Variants in HESX1 observed in about 807,000 individuals in gnomAD.
HESX1 encodes the protein HESX homeobox 1, also known as homeobox expressed in ES cells 1.
A neutral mutation model predicts 22.5 loss-of-function variants in HESX1; 11 were observed. The observed-to-expected ratio is 0.49, with a 90% confidence interval of 0.31 to 0.81. The LOEUF (loss-of-function observed/expected upper bound fraction) is 0.81. Among genes scored for constraint, HESX1 ranks in the 30% least tolerant of loss-of-function variants. The probability of loss-of-function intolerance (pLI) is 0.05; values close to 1 mark genes in which losing one functional copy is unlikely to be tolerated. For synonymous variants in HESX1, 74 were observed against 76.5 expected (o/e 0.97, Z 0.17); for missense variants, 201 against 212.6 (o/e 0.95, Z 0.34).
At chr3:57,213,797 T>A (rs1235617524) in intron 1 of HESX1, among the ~76,000 whole-genome samples, 1 of 151,124 alleles carries the variant, frequency 6.6e-6, no homozygotes, top group Non-Finnish European at 1.5e-5. Context: ...GGCAGGCATC[T>A]GTAATCCCAG....
chr3:57,221,426 G>C (rs1272419379), intron 1 of HESX1, among the ~76,000 whole-genome samples: 1 of 151,932 alleles, frequency 6.6e-6, no homozygotes, highest in Non-Finnish European at 1.5e-5. Context: ...CAAAGTGCTG[G>C]GATTACAAGC....
intron 1 of HESX1, among the ~76,000 whole-genome samples, chr3:57,224,842 C>T (rs2060633335): frequency 6.6e-6 from 1 of 152,188 alleles, no homozygotes; most frequent in Non-Finnish European, 1.5e-5. Context: ...ACTCTATTTA[C>T]AAGACTGTAC....
chr3:57,218,196 A>G (rs1224230548), intron 1 of HESX1, among the ~76,000 whole-genome samples: 1 of 152,016 alleles, frequency 6.6e-6, no homozygotes, highest in Non-Finnish European at 1.5e-5. Flanking sequence ...AGATCATTTC[A>G]TCTCCCAGGT....
intron 1 of HESX1, among the ~76,000 whole-genome samples, chr3:57,218,088 A>G (rs2060592951): frequency 6.6e-6 from 1 of 151,874 alleles, no homozygotes; most frequent in Non-Finnish European, 1.5e-5. Context: ...AAAACTATAA[A>G]CCCATTTGTA....
chr3:57,225,437 G>A (rs1338409927), intron 1 of HESX1, among the ~76,000 whole-genome samples: 1 of 152,012 alleles, frequency 6.6e-6, no homozygotes, highest in Non-Finnish European at 1.5e-5. Flanking sequence ...TCCACCTCCC[G>A]GGTTCAAGCG....
chr3:57,214,375 CAGGCACA>C (rs1462560089), intron 1 of HESX1, among the ~76,000 whole-genome samples: 3 of 152,156 alleles, frequency 2.0e-5, no homozygotes, highest in Non-Finnish European at 4.4e-5. Context: ...AATAAAGATA[CAGGCACA>C]AGTGACTATG....
At chr3:57,212,747 T>C (rs1313930577) in intron 1 of HESX1, among the ~76,000 whole-genome samples, 1 of 152,154 alleles carries the variant, frequency 6.6e-6, no homozygotes, top group Non-Finnish European at 1.5e-5. Flanking sequence ...TTCTCCTGCC[T>C]GTCTTTCAAA....
intron 1 of HESX1, among the ~76,000 whole-genome samples, chr3:57,199,231 C>G (rs76899176): frequency 6.6e-6 from 1 of 152,146 alleles, no homozygotes; most frequent in African/African-American, 2.4e-5. Context: ...AATGCAGGTT[C>G]TTGGGATTTC....
At chr3:57,227,399 T>G (rs778735832), upstream of HESX1, among the ~76,000 whole-genome samples, 3 of 152,212 alleles carry the variant, frequency 2.0e-5, no homozygotes, top group Non-Finnish European at 4.4e-5. Context: ...CAGTAGGACT[T>G]TCTCCAAGGT....
At chr3:57,206,499 C>T (rs749625895) in intron 1 of HESX1, among the ~76,000 whole-genome samples, 34 of 152,274 alleles carry the variant, frequency 2.2e-4, no homozygotes, top group Middle Eastern at 3.4e-3. Context: ...ATAAAACATA[C>T]CTTTAAATGC....
chr3:57,202,145 T>C (rs994840408), upstream of HESX1, among the ~76,000 whole-genome samples: 7 of 152,002 alleles, frequency 4.6e-5, no homozygotes, highest in Non-Finnish European at 1.0e-4. Flanking sequence ...GGTCTCGATA[T>C]CCTGACCTCG....
chr3:57,222,000 T>A (rs2107586061), intron 1 of HESX1, among the ~76,000 whole-genome samples: 1 of 152,354 alleles, frequency 6.6e-6, no homozygotes, highest in Non-Finnish European at 1.5e-5. Flanking sequence ...ATGACAGATA[T>A]TTTTGTTTTG....
At chr3:57,199,090 C>CA (rs1484318451) in intron 1 of HESX1, 138 bp from the exon 2 acceptor site, 2 of 751,106 alleles carry the variant, frequency 2.7e-6, no homozygotes, top group East Asian at 5.0e-5. Flanking sequence ...CCCCGTTAAC[C>CA]AAAAACCAAT....
At chr3:57,219,641 A>T (rs1362889247) in intron 1 of HESX1, among the ~76,000 whole-genome samples, 1 of 152,058 alleles carries the variant, frequency 6.6e-6, no homozygotes, top group Non-Finnish European at 1.5e-5. Flanking sequence ...TGCTGGGATT[A>T]CAGGCGTGAG....
chr3:57,205,650 C>G (rs2060515880), intron 1 of HESX1, among the ~76,000 whole-genome samples: 1 of 152,162 alleles, frequency 6.6e-6, no homozygotes, highest in South Asian at 2.1e-4. Context: ...TGTGAATCCC[C>G]ACAGCTTACC....
At chr3:57,203,656 G>A (rs2060503033), upstream of HESX1, among the ~76,000 whole-genome samples, 1 of 152,148 alleles carries the variant, frequency 6.6e-6, no homozygotes, top group Non-Finnish European at 1.5e-5. Flanking sequence ...CCAGGTTCAA[G>A]TGATTCTCCT....
At chr3:57,214,485 T>G (rs750984742) in intron 1 of HESX1, among the ~76,000 whole-genome samples, 3 of 152,228 alleles carry the variant, frequency 2.0e-5, no homozygotes, top group Non-Finnish European at 4.4e-5. Flanking sequence ...TATCTGGGTC[T>G]AAATTCCAGC....
At chr3:57,221,732 G>A (rs2060616964) in intron 1 of HESX1, among the ~76,000 whole-genome samples, 1 of 151,992 alleles carries the variant, frequency 6.6e-6, no homozygotes, top group South Asian at 2.1e-4. Context: ...TCAGCCTCCC[G>A]AGCAGCTGGG....
At position 57,198,411 on chromosome 3, in the gene HESX1, G is replaced by T. The variant is rs1332391074; in HGVS notation, c.439C>A (p.Leu147Ile). 5 of 1,602,874 alleles carry T rather than the reference G, an allele frequency of 3.1e-6. No homozygotes were observed. The highest frequency in any genetic ancestry group is 1.7e-5 in the Admixed American group (1 of 59,958). Residue 147 changes from leucine to isoleucine, a missense_variant, in exon 3 of 4, where the codon CTA (leucine) becomes ATA (isoleucine). By Grantham distance (5) the Leu-to-Ile change is conservative. Transcript: ENST00000295934. ...ATTACCTGGATTCTGTCTTCCTCTAGATTCAATTTTTGAGCTAAGTCTTCT... is the reference window on the plus strand; with the variant it reads ...ATTACCTGGATTCTGTCTTCCTCTATATTCAATTTTTGAGCTAAGTCTTCT... ...IREDLAQKLN[L>I]EEDRIQIWFQ...
Sources: allele counts gnomAD v4.1 joint callset (sites outside exome capture counted in the v4.1 genomes callset), GRCh38; gene constraint gnomAD v4.1.1; transcripts MANE v1.5; gene names NCBI Gene and HGNC (gene_info 2026-07-23, HGNC 2026-07-21).